PLA2G4D: variants seen among roughly 807,000 people sequenced by gnomAD.
PLA2G4D encodes the protein phospholipase A2 group IVD, also known as cytosolic phospholipase A2 delta.
A neutral mutation model predicts 94.4 loss-of-function variants in PLA2G4D; 80 were observed. The ratio of observed to expected loss-of-function variants is 0.85; its 90% CI spans 0.71 to 1.02. The LOEUF is 1.02. Among genes scored for constraint, PLA2G4D ranks in the 50% least tolerant of loss-of-function variants. The pLI is 0.00. For missense variants in PLA2G4D, 1,050 were observed against 1,034.7 expected (o/e 1.01, Z -0.20); for synonymous variants, 438 against 440.9 (o/e 0.99, Z 0.08).
chr15:42,068,871 G>T lies in PLA2G4D; in HGVS notation c.2301C>A (p.Thr767=). The T allele has an allele frequency of 6.2e-7, 1 of 1,613,790 alleles. No homozygotes were observed. ...VDLTGATCPY[T]LSNMTYKEED... Reference sequence around the variant, plus strand: ...CCTCCTTGTAGGTCATGTTGGACAGGGTGTAGGGGCAGGTGGCCCCGGTGA... The same window carrying T: ...CCTCCTTGTAGGTCATGTTGGACAGTGTGTAGGGGCAGGTGGCCCCGGTGA... Residue 767 remains threonine, a synonymous_variant, in exon 20 of 20, where the codon ACC becomes ACA. Coordinates refer to ENST00000290472, the MANE Select transcript of PLA2G4D (RefSeq NM_178034.4).
chr15:42,072,682 A>T (rs1487603669), intron 13 of PLA2G4D, among the ~76,000 whole-genome samples: 1 of 152,212 alleles, frequency 6.6e-6, no homozygotes, highest in Non-Finnish European at 1.5e-5. Flanking sequence ...ATCTTCGTGG[A>T]TTTAAGGGTG....
In PLA2G4D at chr15:42,081,632, C is replaced by T. The variant is rs374471886; in HGVS notation, c.822-18G>A. On this transcript the variant is annotated intron_variant, in intron 10 of 19. Coordinates refer to ENST00000290472, the MANE Select transcript of PLA2G4D (RefSeq NM_178034.4). ...CCTCAGGGCTGTGGCAATGGAGGAT[C>T]CAGGGGTCAGGGGACACCTGCATAG... is the stretch of plus-strand genomic sequence containing the variant. The T allele has an allele frequency of 1.3e-4, 203 of 1,613,392 alleles. No homozygotes were observed. The highest frequency in any genetic ancestry group is 1.7e-4 in the Non-Finnish European group (196 of 1,179,642).
chr15:42,082,057 G>C (rs775827189), intron 9 of PLA2G4D, among the ~76,000 whole-genome samples: 2 of 150,618 alleles, frequency 1.3e-5, no homozygotes, highest in Admixed American at 1.3e-4. Flanking sequence ...TCAGCCTCCT[G>C]AGTAGCTGGG....
rs1026587438 is a variant in PLA2G4D at position 42,067,291 on chromosome 15, T to G, written c.*1424A>C. The G allele has an allele frequency of 3.9e-5, 6 of 152,340 alleles. No homozygotes were observed. Among genetic ancestry groups the G allele is most frequent in the African/African-American group, 1.4e-4 (6 of 41,414 alleles). The allele number at this position is 152,340 out of a possible 1,614,324, so 9.4% of individuals were successfully genotyped here. ...TGGCTCACACCAGTAATCCCAGCAC[T>G]TTGGGAGGCTGAGGCAGGAGGATTG... On this transcript the variant is annotated 3_prime_UTR_variant, in exon 20 of 20. Coordinates refer to ENST00000290472, the MANE Select transcript of PLA2G4D (RefSeq NM_178034.4).
intron 13 of PLA2G4D, among the ~76,000 whole-genome samples, chr15:42,073,190 A>G (rs1008037862): frequency 2.0e-5 from 3 of 152,050 alleles, no homozygotes; most frequent in African/African-American, 7.2e-5. Flanking sequence ...GTAGAGATGG[A>G]GTTACATCAT....
chr15:42,079,805 T>C (rs1890002448), intron 12 of PLA2G4D, 46 bp from the exon 13 acceptor site: 1 of 1,561,354 alleles, frequency 6.4e-7, no homozygotes, highest in Non-Finnish European at 8.6e-7. Context: ...AGGCCCAGCA[T>C]GGGGCGCTGC....
At chr15:42,094,057 C>T (rs1490244333) in intron 1 of PLA2G4D, among the ~76,000 whole-genome samples, 2 of 152,128 alleles carry the variant, frequency 1.3e-5, no homozygotes, top group Non-Finnish European at 2.9e-5. Context: ...GGGCTCCAGC[C>T]AGTTCTGGGA....
intron 13 of PLA2G4D, among the ~76,000 whole-genome samples, chr15:42,078,531 A>G (rs902976167): frequency 6.6e-6 from 1 of 152,260 alleles, no homozygotes; most frequent in African/African-American, 2.4e-5. Flanking sequence ...ACAAATAAGG[A>G]TGGTAGTTTC....
At chr15:42,083,059 A>C in intron 8 of PLA2G4D, 139 bp downstream of exon 8, 3 of 1,143,618 alleles carry the variant, frequency 2.6e-6, no homozygotes, top group Non-Finnish European at 3.6e-6. Flanking sequence ...GTCTGCCAAG[A>C]GTGAGGTGCC....
Position 42,079,533 on chromosome 15 carries a change from C to G in PLA2G4D, c.1317+4G>C, listed in dbSNP as rs201310162. On this transcript the variant is annotated splice_donor_region_variant and intron_variant, in intron 13 of 19. Transcript: ENST00000290472. Reference sequence around the variant, plus strand: ...CGTCTCCCCCACGTGCGCAGGCGCCCTACCTGGCCGTGCAGCATGGACTCC... The same window carrying G: ...CGTCTCCCCCACGTGCGCAGGCGCCGTACCTGGCCGTGCAGCATGGACTCC... The G allele has an allele frequency of 1.5e-4, 233 of 1,593,718 alleles. No homozygotes were observed. Among genetic ancestry groups the G allele is most frequent in the Non-Finnish European group, 3.2e-5 (37 of 1,174,334 alleles).
chr15:42,092,390 C>T (rs1038040297), intron 1 of PLA2G4D, among the ~76,000 whole-genome samples: 4 of 152,266 alleles, frequency 2.6e-5, no homozygotes, highest in Admixed American at 2.0e-4. Flanking sequence ...CATTGCCCCA[C>T]GGATATCTAG....
chr15:42,077,160 G>A (rs1350074446), intron 13 of PLA2G4D, among the ~76,000 whole-genome samples: 1 of 152,092 alleles, frequency 6.6e-6, no homozygotes, highest in Admixed American at 6.5e-5. Context: ...AACATTTAAA[G>A]AACTAATACC....
At position 42,067,138 on chromosome 15, in the gene PLA2G4D, C is replaced by T. The variant is rs2141089624; in HGVS notation, c.*1577G>A. ...AGAGAGGACATCAGATGAGGGCAGT[C>T]CCTGAGCCAAGGTCTGTCCCGAAGC... On this transcript the variant is annotated 3_prime_UTR_variant, in exon 20 of 20. Transcript: ENST00000290472. 1 of 152,308 alleles carries T rather than the reference C, an allele frequency of 6.6e-6. No individual in the cohort carries two copies. Among genetic ancestry groups the T allele is most frequent in the South Asian group, 2.1e-4 (1 of 4,822 alleles). 9.4% of individuals were successfully genotyped at this position (152,308 alleles called of 1,614,324 possible).
At chr15:42,082,092 C>T (rs1323748669) in intron 9 of PLA2G4D, among the ~76,000 whole-genome samples, 187 bp downstream of exon 9, 8 of 152,080 alleles carry the variant, frequency 5.3e-5, no homozygotes, top group African/African-American at 4.8e-5. Context: ...CCACCACACC[C>T]GGCTAATTTT....
At chr15:42,076,609 T>C (rs960168794) in intron 13 of PLA2G4D, among the ~76,000 whole-genome samples, 1 of 152,180 alleles carries the variant, frequency 6.6e-6, no homozygotes, top group Non-Finnish European at 1.5e-5. Flanking sequence ...ATGATAAATA[T>C]ACTTAAAAAC....
chr15:42,094,286 A>C, intron 1 of PLA2G4D, 129 bp downstream of exon 1: 1 of 1,097,980 alleles, frequency 9.1e-7, no homozygotes, highest in South Asian at 1.5e-5. Flanking sequence ...CTGCATCCCA[A>C]ATCTCAGACT....
In PLA2G4D at chr15:42,068,257, AGAG is replaced by A. The variant is rs1378357141; in HGVS notation, c.*455_*457del. The A allele has an allele frequency of 6.4e-6, 1 of 156,658 alleles. No homozygotes were observed. Among genetic ancestry groups the A allele is most frequent in the Non-Finnish European group, 1.4e-5 (1 of 70,908 alleles). The allele number at this position is 156,658 out of a possible 1,614,324, so 9.7% of individuals were successfully genotyped here. On this transcript the variant is annotated 3_prime_UTR_variant, in exon 20 of 20. Transcript: ENST00000290472. ...TTGGATACGGAAAGCAGGAGGACAA[AGAG>A]GAGAAGGACAAGGAGAGGAGGAGGT...
rs755607084 is a variant in PLA2G4D at position 42,083,775 on chromosome 15, C to T, written c.476G>A (p.Arg159Gln). 16 of 1,613,642 alleles carry T rather than the reference C, an allele frequency of 9.9e-6. No individual in the cohort carries two copies. The highest frequency in any genetic ancestry group is 1.6e-4 in the Middle Eastern group (1 of 6,074). Residue 159 changes from arginine to glutamine, a missense_variant, in exon 7 of 20, where the codon CGA becomes CAA. Arg to Gln is a conservative substitution (Grantham distance 43, BLOSUM62 1). Transcript: ENST00000290472. ...NLITNKVIVA[R>Q]ELSCLDVHLD... ...ATGCACATCCAGGCATGACAGCTCTCGGGCCTGGGGAAGACCACATCATGG... is the reference window on the plus strand; with the variant it reads ...ATGCACATCCAGGCATGACAGCTCTTGGGCCTGGGGAAGACCACATCATGG...
At chr15:42,091,593 C>CG (rs1335947660) in intron 1 of PLA2G4D, among the ~76,000 whole-genome samples, 1 of 121,060 alleles carries the variant, frequency 8.3e-6, no homozygotes, top group East Asian at 2.4e-4. Context: ...TCTCCCTTTC[C>CG]CCGGGGGAGT....
Sources: gnomAD v4.1 joint callset for allele counts (sites outside exome capture counted in the v4.1 genomes callset) on GRCh38, gnomAD v4.1.1 for gene constraint, MANE v1.5 for transcripts, NCBI Gene and HGNC (gene_info 2026-07-23, HGNC 2026-07-21) for gene names.